KCMF1: variants seen among roughly 807,000 people sequenced by gnomAD.
The protein encoded by KCMF1 is potassium channel modulatory factor 1.
A neutral mutation model predicts 41.1 loss-of-function variants in KCMF1; 3 were observed. The observed-to-expected ratio is 0.07, with a 90% CI of 0.03 to 0.19. The LOEUF is 0.19. Among genes scored for constraint, KCMF1 ranks in the 10% least tolerant of loss-of-function variants. The probability of loss-of-function intolerance (pLI) is 1.00; values close to 1 mark genes in which losing one functional copy is unlikely to be tolerated. For missense variants in KCMF1, 286 were observed against 488.9 expected, an observed-to-expected ratio of 0.58 and a Z score of 3.91; for synonymous variants, 142 against 164.5, an observed-to-expected ratio of 0.86 and a Z score of 1.04.
At chr2:85,013,122 T>A (rs1452633120) in intron 1 of KCMF1, among the ~76,000 whole-genome samples, 3 of 152,176 alleles carry the variant, frequency 2.0e-5, no homozygotes, top group Non-Finnish European at 4.4e-5. Flanking sequence ...TGGCTTTGTT[T>A]CTGTAGGTCT....
intron 1 of KCMF1, among the ~76,000 whole-genome samples, chr2:84,989,086 G>A (rs191015843): frequency 3.3e-5 from 5 of 152,184 alleles, no homozygotes; most frequent in Admixed American, 2.6e-4. Flanking sequence ...ATTTCTCCAC[G>A]GGCCATAGTT....
intron 1 of KCMF1, among the ~76,000 whole-genome samples, chr2:84,974,904 T>C (rs1266431342): frequency 1.3e-5 from 2 of 151,518 alleles, no homozygotes; most frequent in East Asian, 1.9e-4. Flanking sequence ...AGATGGGGTT[T>C]CACCATGTTG....
In KCMF1 at chr2:85,042,845, G is replaced by A. The variant is rs146667067; in HGVS notation, c.325-719G>A. ...AAACCACCTTCCCAACCTGTCACCC[G>A]CTCCCCGAACTGTGACTGTGTACAC... On this transcript the variant is annotated intron_variant, in intron 3 of 6. Coordinates refer to ENST00000409785, the MANE Select transcript of KCMF1 (RefSeq NM_020122.5). Among the ~76,000 whole-genome samples, 67 of 151,906 alleles carry A rather than the reference G, an allele frequency of 4.4e-4. 1 individual carries two copies. Among genetic ancestry groups the A allele is most frequent in the African/African-American group, 1.3e-3 (54 of 41,402 alleles).
chr2:85,019,505 C>T (rs1459220536), intron 1 of KCMF1, among the ~76,000 whole-genome samples: 1 of 152,088 alleles, frequency 6.6e-6, no homozygotes, highest in Non-Finnish European at 1.5e-5. Context: ...AATTAAAGGA[C>T]AGAGCTTTCA....
At chr2:85,025,034 C>T (rs1362791099) in intron 1 of KCMF1, among the ~76,000 whole-genome samples, 1 of 152,086 alleles carries the variant, frequency 6.6e-6, no homozygotes, top group African/African-American at 2.4e-5. Context: ...TAAAACAAGT[C>T]CCTCTATCTC....
rs1235280365 is a variant in KCMF1, at chr2:84,999,866, A to G, written c.17-28023A>G. Among the ~76,000 whole-genome samples the G allele has an allele frequency of 3.3e-5, 5 of 152,180 alleles. No homozygotes were observed. In the South Asian group the frequency reaches 8.3e-4, roughly 25 times the overall value. On this transcript the variant is annotated intron_variant, in intron 1 of 6. Coordinates refer to ENST00000409785, the MANE Select transcript of KCMF1 (RefSeq NM_020122.5). ...CCAGTTAGAGGCCCTGACAGGAGACAAGGAAGTGAGGAAATCTCACAGAAA... is the reference window on the plus strand; with the variant it reads ...CCAGTTAGAGGCCCTGACAGGAGACGAGGAAGTGAGGAAATCTCACAGAAA...
rs1195349486 is a variant in KCMF1 at position 85,049,531 on chromosome 2, G to A, written c.767G>A (p.Arg256Gln). ...QQLETARNAT[R>Q]RTNTSSVTTT... ...CTGGAGACCGCACGCAACGCAACCC[G>A]GCGTACTAACACAAGCAGTGTCACC... The change falls in exon 6 of 7, where the codon CGG becomes CAG. Residue 256 changes from arginine to glutamine, a missense_variant. Arg to Gln is a conservative substitution (Grantham distance 43). This residue lies in a region of KCMF1 where 191 missense variants were observed against 279.3 expected (regional missense o/e 0.68). Coordinates refer to ENST00000409785, the MANE Select transcript of KCMF1 (RefSeq NM_020122.5). 5.0e-6 allele frequency: 8 copies of A among 1,613,906 alleles called. No homozygotes were observed. Among genetic ancestry groups the A allele is most frequent in the Admixed American group, 3.3e-5 (2 of 60,006 alleles).
At chr2:84,986,906 GACTT>G (rs1318855913) in intron 1 of KCMF1, among the ~76,000 whole-genome samples, 1 of 152,062 alleles carries the variant, frequency 6.6e-6, no homozygotes, top group Non-Finnish European at 1.5e-5. Context: ...AAGGTTGATG[GACTT>G]ACTTAAGGTT....
chr2:85,004,126 G>A (rs1046114106), intron 1 of KCMF1, among the ~76,000 whole-genome samples: 32 of 152,126 alleles, frequency 2.1e-4, no homozygotes, highest in African/African-American at 7.7e-4. Flanking sequence ...AAAACAGTAG[G>A]TAGTTTAAAA....
chr2:84,974,423 C>T (rs1172451314), intron 1 of KCMF1, among the ~76,000 whole-genome samples: 1 of 151,752 alleles, frequency 6.6e-6, no homozygotes, highest in East Asian at 1.9e-4. Context: ...ACCTGTCAAG[C>T]TTGAAGGCTC....
chr2:84,991,562 T>G (rs954951640), intron 1 of KCMF1, among the ~76,000 whole-genome samples: 1 of 152,160 alleles, frequency 6.6e-6, no homozygotes, highest in Non-Finnish European at 1.5e-5. Context: ...AGGAGAGTGG[T>G]AGAAAGCCCG....
chr2:85,012,700 G>T (rs963597775), intron 1 of KCMF1, among the ~76,000 whole-genome samples: 1 of 152,108 alleles, frequency 6.6e-6, no homozygotes, highest in Admixed American at 6.6e-5. Context: ...ACTCTTTTCC[G>T]CCAGTGCTAG....
At position 85,007,973 on chromosome 2, in the gene KCMF1, G is replaced by A. The variant is rs572865160; in HGVS notation, c.17-19916G>A. 2.6e-5 allele frequency among the ~76,000 whole-genome samples: 4 copies of A among 151,976 alleles called. No individual in the cohort carries two copies. The East Asian group carries it at 7.7e-4, about 29-fold the overall frequency. ...AGATGGGGTTTCACCATGTTGACCA[G>A]GCTGGCTTTGAACTCCTGACCTCAA... On this transcript the variant is annotated intron_variant, in intron 1 of 6. Coordinates refer to ENST00000409785, the MANE Select transcript of KCMF1 (RefSeq NM_020122.5).
At chr2:85,014,724 C>CGTGTGTGT (rs72066261) in intron 1 of KCMF1, among the ~76,000 whole-genome samples, 1,840 of 138,298 alleles carry the variant, frequency 0.013, 13 homozygotes, top group Non-Finnish European at 0.022. Context: ...TGCGTGCGTG[C>CGTGTGTGT]GTGTGTGTGT....
chr2:85,034,814 G>T (rs1249637203), intron 2 of KCMF1, among the ~76,000 whole-genome samples: 3 of 152,100 alleles, frequency 2.0e-5, no homozygotes, highest in Non-Finnish European at 2.9e-5. Context: ...TAGACACGAG[G>T]TTTTACCATG....
chr2:85,024,215 G>A (rs760539049), intron 1 of KCMF1, among the ~76,000 whole-genome samples: 1 of 152,138 alleles, frequency 6.6e-6, no homozygotes, highest in Non-Finnish European at 1.5e-5. Context: ...GGTGGCTCAC[G>A]CCTGTTGTAA....
intron 1 of KCMF1, among the ~76,000 whole-genome samples, chr2:84,993,288 CTG>C (rs1674091892): frequency 6.6e-6 from 1 of 152,036 alleles, no homozygotes. Context: ...AAGACTGTCA[CTG>C]TCCTCATGAC....
intron 1 of KCMF1, among the ~76,000 whole-genome samples, chr2:85,007,358 T>G (rs1177126492): frequency 2.0e-5 from 3 of 152,226 alleles, no homozygotes; most frequent in Non-Finnish European, 4.4e-5. Context: ...TGCCTTCGGC[T>G]TCCCCGAGTT....
In KCMF1 at chr2:85,045,507, A is replaced by G. The variant is rs1350132802; in HGVS notation, c.427-597A>G. The stretch of plus-strand genomic sequence containing the variant: ...GTACTTTAAAGGAAAAATCTCTTCT[A>G]TATGATCTGGCCTCCCCCACCTCTC... On this transcript the variant is annotated intron_variant, in intron 4 of 6. Coordinates refer to ENST00000409785, the MANE Select transcript of KCMF1 (RefSeq NM_020122.5). 5.9e-5 allele frequency among the ~76,000 whole-genome samples: 9 copies of G among 152,248 alleles called. No individual in the cohort carries two copies. In the East Asian group the frequency reaches 1.7e-3, roughly 29 times the overall value.
Sources: gnomAD v4.1 joint callset for allele counts (sites outside exome capture counted in the v4.1 genomes callset) on GRCh38, gnomAD v4.1.1 for gene constraint, gnomAD v4.1.1 regional missense constraint, MANE v1.5 for transcripts, NCBI Gene and HGNC (gene_info 2026-07-23, HGNC 2026-07-21) for gene names.